Variants in METTL15 observed in about 807,000 individuals in gnomAD.
The protein encoded by METTL15 is 12S rRNA N(4)-cytidine methyltransferase METTL15.
In METTL15, 34 loss-of-function variants were observed where a neutral mutation model predicts 38.3. That is an observed-to-expected ratio of 0.89 (90% CI 0.68 to 1.18). METTL15 has a LOEUF of 1.18. Ranked by LOEUF, METTL15 falls within the 50% of genes most tolerant of loss-of-function variation. The pLI is 0.00. For missense variants in METTL15, 438 were observed against 498.4 expected (o/e 0.88, Z 1.15); for synonymous variants, 162 against 170.9 (o/e 0.95, Z 0.41).
intron 4 of METTL15, among the ~76,000 whole-genome samples, chr11:28,352,311 T>G (rs1008908574): frequency 1.3e-5 from 2 of 152,172 alleles, no homozygotes; most frequent in East Asian, 1.9e-4. Context: ...ATAGCTGACC[T>G]GTCTACCCCC....
At chr11:28,310,426 T>A (rs1291296592) in intron 6 of METTL15, among the ~76,000 whole-genome samples, 1 of 151,960 alleles carries the variant, frequency 6.6e-6, no homozygotes, top group African/African-American at 2.4e-5. Flanking sequence ...AAAGAATGCT[T>A]GTCTGATTGC....
downstream of METTL15, among the ~76,000 whole-genome samples, chr11:28,336,786 A>G (rs562971426): frequency 9.2e-5 from 14 of 152,152 alleles, no homozygotes; most frequent in Admixed American, 1.3e-4. Flanking sequence ...ATAAATGGCT[A>G]TGTTTCTTTT....
intron 4 of METTL15, among the ~76,000 whole-genome samples, chr11:28,265,259 C>T (rs1228698059): frequency 6.6e-6 from 1 of 151,238 alleles, no homozygotes; most frequent in Non-Finnish European, 1.5e-5. Flanking sequence ...CTTCTCCCGC[C>T]CTTTCTGCTT....
At chr11:28,427,623 T>C (rs1240441862) in intron 6 of METTL15, among the ~76,000 whole-genome samples, 1 of 152,202 alleles carries the variant, frequency 6.6e-6, no homozygotes, top group Non-Finnish European at 1.5e-5. Flanking sequence ...CAGTGGTTTG[T>C]AGTTCTTCTT....
chr11:28,268,577 G>A (rs1459281462), intron 4 of METTL15, among the ~76,000 whole-genome samples: 1 of 151,948 alleles, frequency 6.6e-6, no homozygotes, highest in Non-Finnish European at 1.5e-5. Flanking sequence ...TATATAAATG[G>A]GGTACATCCT....
chr11:28,285,212 A>G (rs1856205839), intron 4 of METTL15, among the ~76,000 whole-genome samples: 1 of 152,182 alleles, frequency 6.6e-6, no homozygotes, highest in African/African-American at 2.4e-5. Context: ...ACCCAGACTC[A>G]AGCAGTTCTT....
chr11:28,309,896 C>T (rs1857215265), intron 6 of METTL15, among the ~76,000 whole-genome samples: 2 of 152,114 alleles, frequency 1.3e-5, no homozygotes, highest in South Asian at 4.2e-4. Flanking sequence ...AAATATCCAC[C>T]ATTACCATTG....
At chr11:28,293,217 T>G (rs1847708225) in intron 5 of METTL15, among the ~76,000 whole-genome samples, 1 of 152,214 alleles carries the variant, frequency 6.6e-6, no homozygotes, top group African/African-American at 2.4e-5. Flanking sequence ...TAATCCATCT[T>G]GAATTAATTT....
At chr11:28,506,022 A>C (rs573451101) in intron 6 of METTL15, among the ~76,000 whole-genome samples, 85 of 152,292 alleles carry the variant, frequency 5.6e-4, no homozygotes, top group Middle Eastern at 3.4e-3. Flanking sequence ...GAGAGCCCTC[A>C]TTTTGCTTCC....
intron 4 of METTL15, among the ~76,000 whole-genome samples, chr11:28,258,568 G>C (rs1162310735): frequency 6.6e-6 from 1 of 152,146 alleles, no homozygotes; most frequent in South Asian, 2.1e-4. Flanking sequence ...TACCGTAGCT[G>C]AGCTGGCACT....
chr11:28,162,258 C>G (rs1850492118), intron 3 of METTL15, among the ~76,000 whole-genome samples: 1 of 151,896 alleles, frequency 6.6e-6, no homozygotes, highest in Admixed American at 6.6e-5. Flanking sequence ...ATTTTGGAGG[C>G]AACTGTAACA....
At chr11:28,214,111 T>C (rs992166799) in intron 4 of METTL15, among the ~76,000 whole-genome samples, 2 of 151,954 alleles carry the variant, frequency 1.3e-5, no homozygotes, top group African/African-American at 4.8e-5. Context: ...GATGCCATCA[T>C]AGCTTACTGC....
At chr11:28,443,279 A>T (rs1319357796) in intron 6 of METTL15, among the ~76,000 whole-genome samples, 1 of 151,840 alleles carries the variant, frequency 6.6e-6, no homozygotes, top group Non-Finnish European at 1.5e-5. Context: ...CTTCTGAGGC[A>T]TAGCCGCCTC....
intron 6 of METTL15, among the ~76,000 whole-genome samples, chr11:28,486,054 A>C (rs1446513964): frequency 1.3e-5 from 2 of 152,312 alleles, no homozygotes; most frequent in African/African-American, 4.8e-5. Flanking sequence ...TTAGGGCTTC[A>C]ACACATGAAT....
intron 5 of METTL15, among the ~76,000 whole-genome samples, chr11:28,291,948 T>C (rs1795520217): frequency 1.3e-5 from 2 of 152,132 alleles, no homozygotes; most frequent in Non-Finnish European, 2.9e-5. Context: ...TGGATGAAAT[T>C]AGAGTTAAGT....
intron 3 of METTL15, among the ~76,000 whole-genome samples, chr11:28,198,785 A>G (rs190910102): frequency 5.5e-4 from 84 of 152,246 alleles, no homozygotes; most frequent in Non-Finnish European, 7.4e-4. Flanking sequence ...TCACAGTTAC[A>G]TGTTCTAATT....
chr11:28,251,878 G>A (rs1339084787), intron 4 of METTL15, among the ~76,000 whole-genome samples: 1 of 152,016 alleles, frequency 6.6e-6, no homozygotes, highest in Non-Finnish European at 1.5e-5. Flanking sequence ...ATCATGGTGA[G>A]ACACTTTGTA....
chr11:28,171,828 A>G lies in METTL15; in HGVS notation c.271-39234A>G, dbSNP rs545246610. Among the ~76,000 whole-genome samples, 230 of 149,082 alleles carry G rather than the reference A, an allele frequency of 1.5e-3. 2 individuals are homozygous for G. Among genetic ancestry groups the G allele is most frequent in the Non-Finnish European group, 4.9e-4 (33 of 67,428 alleles). On this transcript the variant is annotated intron_variant, in intron 3 of 6. Transcript: ENST00000407364. ...TTTTTTAGGGACAGGGTATTCCTCT[A>G]TCACCCAGACTGGAGTACAGTGACA...
chr11:28,204,864 C>T (rs1264823757), intron 3 of METTL15, among the ~76,000 whole-genome samples: 1 of 151,888 alleles, frequency 6.6e-6, no homozygotes, highest in Non-Finnish European at 1.5e-5. Context: ...TACAGGTTGT[C>T]AGTGAAATAA....
Sources: gnomAD v4.1 joint callset for allele counts (sites outside exome capture counted in the v4.1 genomes callset) on GRCh38, gnomAD v4.1.1 for gene constraint, MANE v1.5 for transcripts, NCBI Gene and HGNC (gene_info 2026-07-23, HGNC 2026-07-21) for gene names.